GALNTL6: variants seen among roughly 807,000 people sequenced by gnomAD.
The protein encoded by GALNTL6 is polypeptide N-acetylgalactosaminyltransferase like 6.
In GALNTL6, 46 loss-of-function variants were observed where a neutral mutation model predicts 73.7. The ratio of observed to expected loss-of-function variants is 0.62; its 90% confidence interval spans 0.49 to 0.80. GALNTL6 has a LOEUF of 0.80. Among genes scored for constraint, GALNTL6 ranks in the 30% least tolerant of loss-of-function variants. The pLI is 0.00. For synonymous variants in GALNTL6, 259 were observed against 263.7 expected (o/e 0.98, Z 0.17); for missense variants, 604 against 755.0 (o/e 0.80, Z 2.34).
At chr4:172,306,621 C>G (rs936474320) in intron 3 of GALNTL6, among the ~76,000 whole-genome samples, 2 of 152,288 alleles carry the variant, frequency 1.3e-5, no homozygotes, top group Admixed American at 1.3e-4. Context: ...ACCCTGGTAG[C>G]TTTACCCCTG....
chr4:171,916,962 A>G (rs1056487509), intron 2 of GALNTL6, among the ~76,000 whole-genome samples: 1 of 152,108 alleles, frequency 6.6e-6, no homozygotes, highest in African/African-American at 2.4e-5. Flanking sequence ...TAGGGATGTC[A>G]GTAATGGTAT....
At chr4:172,768,064 T>C (rs900676462) in intron 5 of GALNTL6, among the ~76,000 whole-genome samples, 1 of 152,194 alleles carries the variant, frequency 6.6e-6, no homozygotes, top group African/African-American at 2.4e-5. Context: ...CATTTTTCTC[T>C]CTTTCTTTCT....
intron 9 of GALNTL6, among the ~76,000 whole-genome samples, chr4:172,948,495 C>T (rs760612243): frequency 1.1e-4 from 16 of 151,758 alleles, no homozygotes; most frequent in Non-Finnish European, 1.6e-4. Flanking sequence ...TTTTTTTGCC[C>T]GGGCTGGAGT....
chr4:172,637,113 C>T (rs1739731076), intron 5 of GALNTL6, among the ~76,000 whole-genome samples: 1 of 152,178 alleles, frequency 6.6e-6, no homozygotes, highest in Non-Finnish European at 1.5e-5. Context: ...TAATTGCTAA[C>T]TCATTAATCA....
intron 10 of GALNTL6, among the ~76,000 whole-genome samples, chr4:172,959,170 G>A (rs1749912888): frequency 6.6e-6 from 1 of 152,096 alleles, no homozygotes; most frequent in Non-Finnish European, 1.5e-5. Context: ...AGGGGTGCAT[G>A]ATCGGTCACT....
intron 5 of GALNTL6, among the ~76,000 whole-genome samples, chr4:172,522,463 G>A (rs1037030038): frequency 6.6e-6 from 1 of 152,116 alleles, no homozygotes; most frequent in Non-Finnish European, 1.5e-5. Flanking sequence ...CTGAGGTTGG[G>A]ATTTCGAGAT....
intron 2 of GALNTL6, among the ~76,000 whole-genome samples, chr4:172,017,073 T>A (rs995996918): frequency 5.3e-5 from 8 of 152,142 alleles, no homozygotes; most frequent in Admixed American, 4.6e-4. Context: ...AATAGGGGAG[T>A]TATTCCTGAG....
intron 2 of GALNTL6, among the ~76,000 whole-genome samples, chr4:172,128,547 G>T (rs1733368130): frequency 6.6e-6 from 1 of 152,142 alleles, no homozygotes; most frequent in African/African-American, 2.4e-5. Context: ...ATTTTGCCCT[G>T]ATAGGTAATG....
chr4:172,286,420 G>A (rs1739253365), intron 3 of GALNTL6, among the ~76,000 whole-genome samples: 1 of 152,172 alleles, frequency 6.6e-6, no homozygotes, highest in African/African-American at 2.4e-5. Context: ...CAGATAAATA[G>A]GATGAGGAGG....
At chr4:172,266,350 G>A (rs1738452495) in intron 3 of GALNTL6, 1 of 152,062 alleles carries the variant, frequency 6.6e-6, no homozygotes, top group African/African-American at 2.4e-5. Context: ...TTGCCCTGAG[G>A]TAATTAATGC....
chr4:172,823,086 G>A (rs1481519857), intron 7 of GALNTL6, among the ~76,000 whole-genome samples: 1 of 152,066 alleles, frequency 6.6e-6, no homozygotes, highest in East Asian at 1.9e-4. Flanking sequence ...AACTGTCACA[G>A]CCCCCTTCCC....
chr4:172,522,459 T>C (rs889225372), intron 5 of GALNTL6, among the ~76,000 whole-genome samples: 2 of 152,122 alleles, frequency 1.3e-5, no homozygotes, highest in Non-Finnish European at 1.5e-5. Flanking sequence ...TCACCTGAGG[T>C]TGGGATTTCG....
intron 5 of GALNTL6, among the ~76,000 whole-genome samples, chr4:172,431,660 G>T (rs1467979526): frequency 1.3e-5 from 2 of 152,002 alleles, no homozygotes; most frequent in African/African-American, 4.8e-5. Flanking sequence ...AGCTAAATGG[G>T]TTCTACCATT....
At chr4:171,866,452 G>A (rs1735972341) in intron 2 of GALNTL6, among the ~76,000 whole-genome samples, 1 of 152,142 alleles carries the variant, frequency 6.6e-6, no homozygotes, top group Non-Finnish European at 1.5e-5. Context: ...AATACAAAAT[G>A]AAGGGGTAAA....
intron 11 of GALNTL6, among the ~76,000 whole-genome samples, chr4:173,016,473 C>A (rs1752787713): frequency 6.6e-6 from 1 of 152,188 alleles, no homozygotes; most frequent in Non-Finnish European, 1.5e-5. Context: ...ATCAGCATAA[C>A]CTGGATGTGA....
intron 5 of GALNTL6, among the ~76,000 whole-genome samples, chr4:172,600,356 TTC>T (rs1242415330): frequency 1.3e-5 from 2 of 152,142 alleles, no homozygotes; most frequent in Non-Finnish European, 2.9e-5. Context: ...CCTATCATCC[TTC>T]TCTCTGCCTA....
At position 172,938,010 on chromosome 4, in the gene GALNTL6, T is replaced by C. The variant is rs529500276; in HGVS notation, c.1149+6742T>C. On this transcript the variant is annotated intron_variant, in intron 9 of 12. Coordinates refer to ENST00000506823, the MANE Select transcript of GALNTL6 (RefSeq NM_001034845.3). ...TAATCTACATACAAGTTACAAATGTTTTTGACTTTATGCATTTACCTAGGG... is the reference window on the plus strand; with the variant it reads ...TAATCTACATACAAGTTACAAATGTCTTTGACTTTATGCATTTACCTAGGG... Among the ~76,000 whole-genome samples, 3 of 152,324 alleles carry C rather than the reference T, an allele frequency of 2.0e-5. No individual in the cohort carries two copies. In the South Asian group the frequency reaches 6.2e-4, roughly 32 times the overall value.
chr4:172,624,939 T>A (rs1467839111), intron 5 of GALNTL6, among the ~76,000 whole-genome samples: 1 of 151,944 alleles, frequency 6.6e-6, no homozygotes, highest in Non-Finnish European at 1.5e-5. Flanking sequence ...TATCCAGTAG[T>A]AAGTTTTTCA....
At chr4:172,481,859 C>T (rs1168045793) in intron 5 of GALNTL6, among the ~76,000 whole-genome samples, 1 of 152,216 alleles carries the variant, frequency 6.6e-6, no homozygotes, top group Non-Finnish European at 1.5e-5. Context: ...ATGGGCAGAA[C>T]TGCCTGCCAG....
Sources: allele counts gnomAD v4.1 joint callset (sites outside exome capture counted in the v4.1 genomes callset), GRCh38; gene constraint gnomAD v4.1.1; transcripts MANE v1.5; gene names NCBI Gene and HGNC (gene_info 2026-07-23, HGNC 2026-07-21).